CEP131: variants seen among roughly 807,000 people sequenced by gnomAD.
The protein encoded by CEP131 is centrosomal protein 131.
A neutral mutation model predicts 136.8 loss-of-function variants in CEP131; 99 were observed. The ratio of observed to expected loss-of-function variants is 0.72; its 90% CI spans 0.62 to 0.86. The LOEUF is 0.86. Among genes scored for constraint, CEP131 ranks in the 40% least tolerant of loss-of-function variants. CEP131 has a pLI of 0.00. For synonymous variants in CEP131, 646 were observed against 612.7 expected (o/e 1.05, Z -0.80); for missense variants, 1,459 against 1,463.0 (o/e 1.00, Z 0.04).
Position 81,203,784 on chromosome 17 carries a change from T to TG in CEP131, c.516-178dup, listed in dbSNP as rs2061946830. Reference sequence around the variant, plus strand: ...CCTTCCACAGCCTGCGCCCTGATGATGGGGTTCTTCCCAGGACAGGAAAGC... The same window carrying TG: ...CCTTCCACAGCCTGCGCCCTGATGATGGGGGTTCTTCCCAGGACAGGAAAGC... On this transcript the variant is annotated intron_variant, in intron 5 of 25. Coordinates refer to ENST00000450824, the MANE Select transcript of CEP131 (RefSeq NM_014984.4). The surrounding 1 kb of genome is among the most constrained non-coding windows in gnomAD (Gnocchi z 4.6). 1 of 588,442 alleles carries TG rather than the reference T, an allele frequency of 1.7e-6. No homozygotes were observed. Among genetic ancestry groups the TG allele is most frequent in the African/African-American group, 1.9e-5 (1 of 53,678 alleles). The allele number at this position is 588,442 out of a possible 1,614,324, so 36.5% of individuals were successfully genotyped here.
rs765840476 is a variant in CEP131, at chr17:81,220,057, G to T, written c.-1C>A. On this transcript the variant is annotated 5_prime_UTR_variant, in exon 2 of 26. Transcript: ENST00000450824. ...TGCCGATGGCCCGGGTGCCTTTCAT[G>T]GTGGACAAGGCAGGTCCTGAGCGGG... 1.3e-6 allele frequency: 2 copies of T among 1,577,922 alleles called. No individual in the cohort carries two copies. The highest frequency in any genetic ancestry group is 8.6e-7 in the Non-Finnish European group (1 of 1,163,790).
In CEP131 at chr17:81,219,296, C is replaced by CTTT. The variant is rs11382761; in HGVS notation, c.177+581_177+583dup. Among the ~76,000 whole-genome samples the CTTT allele has an allele frequency of 4.6e-5, 6 of 131,430 alleles. No homozygotes were observed. The highest frequency in any genetic ancestry group is 7.8e-5 in the Non-Finnish European group (5 of 63,734). 86.2% of individuals were successfully genotyped at this position (131,430 alleles called of 152,430 possible). On this transcript the variant is annotated intron_variant, in intron 2 of 25. Coordinates refer to ENST00000450824, the MANE Select transcript of CEP131 (RefSeq NM_014984.4). The surrounding 1 kb of genome is among the most constrained non-coding windows in gnomAD (Gnocchi z 4.0). ...CCCCACAGGTCAACCCCATTTCTTT[C>CTTT]TTTTTTTTTTTTTTTTGAGATGGCA... is the stretch of plus-strand genomic sequence containing the variant.
At chr17:81,197,402 A>G in intron 13 of CEP131, 2 of 523,536 alleles carry the variant, frequency 3.8e-6, no homozygotes, top group South Asian at 4.7e-5. Context: ...GCAGGGCTCC[A>G]GAGGGCTGAA....
At chr17:81,213,091 C>T (rs574916417) in intron 2 of CEP131, among the ~76,000 whole-genome samples, 1 of 152,242 alleles carries the variant, frequency 6.6e-6, no homozygotes, top group South Asian at 2.1e-4. Flanking sequence ...GAAATAAGGA[C>T]GTGCTCAGAA....
chr17:81,202,553 G>C (rs926848720), intron 6 of CEP131, among the ~76,000 whole-genome samples, 155 bp from the exon 7 acceptor site: 2 of 152,224 alleles, frequency 1.3e-5, no homozygotes, highest in Non-Finnish European at 2.9e-5. Context: ...CGGCAGGTGC[G>C]AGGCCGGCTC....
At chr17:81,205,978 G>C (rs2062001106) in intron 5 of CEP131, among the ~76,000 whole-genome samples, 2 of 152,160 alleles carry the variant, frequency 1.3e-5, no homozygotes, top group South Asian at 4.1e-4. Flanking sequence ...GGCCAAGGCG[G>C]GTGGATCATG....
At chr17:81,212,409 A>T (rs2062153243) in intron 2 of CEP131, among the ~76,000 whole-genome samples, 1 of 151,944 alleles carries the variant, frequency 6.6e-6, no homozygotes, top group African/African-American at 2.4e-5. Context: ...GTGGAGGGCG[A>T]GGTGCTGTCC....
chr17:81,218,464 G>A (rs913734937), intron 2 of CEP131, among the ~76,000 whole-genome samples: 9 of 152,246 alleles, frequency 5.9e-5, no homozygotes, highest in East Asian at 1.9e-4. Flanking sequence ...GCAGGGCTGC[G>A]GACAGGAGAG....
At chr17:81,212,592 G>A (rs1288514692) in intron 2 of CEP131, among the ~76,000 whole-genome samples, 4 of 151,568 alleles carry the variant, frequency 2.6e-5, no homozygotes, top group South Asian at 2.1e-4. Flanking sequence ...AGTGGGGCCC[G>A]TGCAGAGGGG....
At position 81,200,378 on chromosome 17, in the gene CEP131, C is replaced by A; in HGVS notation, c.857G>T (p.Arg286Leu). The A allele has an allele frequency of 6.3e-7, 1 of 1,575,376 alleles. No individual in the cohort carries two copies. Among genetic ancestry groups the A allele is most frequent in the South Asian group, 1.2e-5 (1 of 86,252 alleles). ...CTCCAGGCGGGCAGCTCCTGCTCCGCGCCGCTGCACCTGGTGCCGGTACCA... is the reference window on the plus strand; with the variant it reads ...CTCCAGGCGGGCAGCTCCTGCTCCGAGCCGCTGCACCTGGTGCCGGTACCA... ...QRWYRHQVQRRGAGAARLEHL... is the reference protein window; with the variant it reads ...QRWYRHQVQRLGAGAARLEHL... The change falls in exon 8 of 26, where the codon CGC (arginine) becomes CTC (leucine). Residue 286 changes from arginine to leucine, a missense_variant. Coordinates refer to ENST00000450824, the MANE Select transcript of CEP131 (RefSeq NM_014984.4).
chr17:81,218,420 A>G (rs1452604581), intron 2 of CEP131, among the ~76,000 whole-genome samples: 1 of 152,244 alleles, frequency 6.6e-6, no homozygotes, highest in Non-Finnish European at 1.5e-5. Flanking sequence ...GGGAGGGGCC[A>G]AGGCAGGTGG....
rs530239693 is a variant in CEP131, at chr17:81,194,498, C to G, written c.2120-371G>C. 8.7e-4 allele frequency among the ~76,000 whole-genome samples: 133 copies of G among 152,370 alleles called. 1 individual carries two copies. Among genetic ancestry groups the G allele is most frequent in the African/African-American group, 2.9e-3 (120 of 41,590 alleles). ...ACCCACCAGCCTCCTGCCCCATCCGCCTGCCTGCCCCTGCCTCCTCCTGTG... is the reference window on the plus strand; with the variant it reads ...ACCCACCAGCCTCCTGCCCCATCCGGCTGCCTGCCCCTGCCTCCTCCTGTG... On this transcript the variant is annotated intron_variant, in intron 17 of 25. Transcript: ENST00000450824.
chr17:81,190,867 C>T (rs2061623343), intron 23 of CEP131, 40 bp downstream of exon 23: 8 of 1,593,770 alleles, frequency 5.0e-6, no homozygotes, highest in Non-Finnish European at 6.8e-6. Flanking sequence ...CAGGAGGGGC[C>T]TGTGGGTGCC....
chr17:81,211,934 G>GA (rs149683349), intron 2 of CEP131, among the ~76,000 whole-genome samples: 36,590 of 114,726 alleles, frequency 0.32, 5,698 homozygotes, highest in African/African-American at 0.38. Context: ...CCCTGTCTCT[G>GA]AAAAAAAAAA....
intron 2 of CEP131, among the ~76,000 whole-genome samples, chr17:81,218,783 CTT>C (rs1344367821): frequency 6.6e-6 from 1 of 152,224 alleles, no homozygotes; most frequent in African/African-American, 2.4e-5. Flanking sequence ...ACAGGAATAA[CTT>C]TTTCAAGGAG....
rs1181573762 is a variant in CEP131 at position 81,196,800 on chromosome 17, C to G, written c.1800G>C (p.Arg600=). The change falls in exon 15 of 26, where the codon CGG becomes CGC. Residue 600 remains arginine (R), a synonymous_variant. Coordinates refer to ENST00000450824, the MANE Select transcript of CEP131 (RefSeq NM_014984.4). Reference sequence around the variant, plus strand: ...GCGCCTTCTCTGTCTCCTTGACCCGCCGGGCCGTGAGGTCTCGCTGCTGCG... The same window carrying G: ...GCGCCTTCTCTGTCTCCTTGACCCGGCGGGCCGTGAGGTCTCGCTGCTGCG... ...ALAQQRDLTA[R]RVKETEKALS... 6.3e-7 allele frequency: 1 copy of G among 1,591,750 alleles called. No individual in the cohort carries two copies. Among genetic ancestry groups the G allele is most frequent in the Admixed American group, 1.8e-5 (1 of 56,478 alleles).
At chr17:81,193,464 A>C (rs1216376834) in intron 18 of CEP131, among the ~76,000 whole-genome samples, 1 of 152,080 alleles carries the variant, frequency 6.6e-6, no homozygotes, top group African/African-American at 2.4e-5. Flanking sequence ...CCTGACCACC[A>C]CTGGGCACGT....
intron 5 of CEP131, among the ~76,000 whole-genome samples, chr17:81,204,387 G>A (rs975609171): frequency 6.6e-6 from 1 of 152,130 alleles, no homozygotes; most frequent in African/African-American, 2.4e-5. Context: ...GGGCAGCCAG[G>A]ACTCGAACCC....
chr17:81,191,375 C>A (rs1246731102), intron 21 of CEP131, 40 bp from the exon 22 acceptor site: 8 of 1,609,612 alleles, frequency 5.0e-6, no homozygotes, highest in Admixed American at 1.7e-5. Context: ...CCACCCGGAG[C>A]CGGCCCGCGG....
Sources: allele counts gnomAD v4.1 joint callset (sites outside exome capture counted in the v4.1 genomes callset), GRCh38; gene constraint gnomAD v4.1.1; non-coding constraint Gnocchi (gnomAD v3.1); transcripts MANE v1.5; gene names NCBI Gene and HGNC (gene_info 2026-07-23, HGNC 2026-07-21).